Variants in LYRM4 observed in about 807,000 individuals in gnomAD.
LYRM4 encodes LYR motif-containing protein 4.
In LYRM4, 9 loss-of-function variants were observed where a neutral mutation model predicts 11.7. The ratio of observed to expected loss-of-function variants is 0.77; its 90% CI spans 0.46 to 1.34. The LOEUF is 1.34. LYRM4 is among the 40% of genes most tolerant of loss of function. The pLI, the probability that LYRM4 is intolerant of heterozygous loss-of-function variation, is 0.00. For missense variants in LYRM4, 133 were observed against 112.5 expected (o/e 1.18, Z -0.82); for synonymous variants, 42 against 40.4 (o/e 1.04, Z -0.15).
chr6:5,197,540 TG>T (rs1444314214), intron 2 of LYRM4, among the ~76,000 whole-genome samples: 1 of 151,796 alleles, frequency 6.6e-6, no homozygotes, highest in Admixed American at 6.6e-5. Context: ...CTGGGCATGG[TG>T]GCGGGTGCCT....
At chr6:5,164,141 T>G (rs928997217) in intron 2 of LYRM4, among the ~76,000 whole-genome samples, 11 of 152,358 alleles carry the variant, frequency 7.2e-5, no homozygotes, top group Middle Eastern at 3.4e-3. Context: ...CTGATGGGAA[T>G]GCATTTTGGC....
At chr6:5,187,832 G>GA (rs56932935) in intron 2 of LYRM4, among the ~76,000 whole-genome samples, 123,785 of 150,920 alleles carry the variant, frequency 0.82, 51,282 homozygotes, top group African/African-American at 0.95. Context: ...TGTGTTAGTG[G>GA]AAAAAAAAAG....
the LYRM4 span, chr6:5,066,419 A>G: frequency 1.3e-6 from 1 of 744,832 alleles, no homozygotes; most frequent in South Asian, 1.4e-5. Context: ...TTACTTTTAA[A>G]GGGCTGCCTG....
At chr6:5,150,728 G>A (rs1758040680) in intron 2 of LYRM4, among the ~76,000 whole-genome samples, 1 of 152,144 alleles carries the variant, frequency 6.6e-6, no homozygotes, top group Non-Finnish European at 1.5e-5. Context: ...GCGTGTAACC[G>A]CTGCATGCTC....
intron 1 of LYRM4, among the ~76,000 whole-genome samples, chr6:5,226,286 T>C (rs1762889384): frequency 6.6e-6 from 1 of 152,192 alleles, no homozygotes; most frequent in African/African-American, 2.4e-5. Context: ...CATTAAGCCA[T>C]GTGTTTCATG....
intron 2 of LYRM4, among the ~76,000 whole-genome samples, chr6:5,132,167 T>C (rs1763985059): frequency 1.3e-5 from 2 of 152,250 alleles, no homozygotes; most frequent in Admixed American, 6.5e-5. Context: ...ACTTGCTTAA[T>C]ACATAAGCAA....
At chr6:5,101,891 T>C (rs1355294698), downstream of LYRM4, among the ~76,000 whole-genome samples, 4 of 150,810 alleles carry the variant, frequency 2.7e-5, 1 homozygote, top group Non-Finnish European at 5.9e-5. Flanking sequence ...TGGGCTCAAG[T>C]GGTCCTCCTG....
At chr6:5,217,725 A>AGT (rs1762355245) in intron 1 of LYRM4, among the ~76,000 whole-genome samples, 1 of 152,186 alleles carries the variant, frequency 6.6e-6, no homozygotes, top group African/African-American at 2.4e-5. Flanking sequence ...GTCACACCAT[A>AGT]GTGTGTGTAC....
intron 2 of LYRM4, among the ~76,000 whole-genome samples, chr6:5,119,224 T>A: frequency 6.6e-6 from 1 of 152,190 alleles, no homozygotes; most frequent in East Asian, 1.9e-4. Flanking sequence ...CAAGTTCATA[T>A]CCCTGCCCAC....
intron 1 of LYRM4, chr6:5,218,446 A>T (rs1416516461): frequency 2.2e-6 from 2 of 912,996 alleles, no homozygotes; most frequent in Admixed American, 6.2e-5. Flanking sequence ...AGTTTTTTAA[A>T]GTAAAAAGGC....
At chr6:5,207,058 C>T (rs373284005) in intron 2 of LYRM4, among the ~76,000 whole-genome samples, 3 of 152,152 alleles carry the variant, frequency 2.0e-5, no homozygotes, top group Admixed American at 6.5e-5. Flanking sequence ...GTCAATACCA[C>T]GACCAAGGAT....
chr6:5,179,065 C>CAAAAAAAAAAAAAAAAAAAAA (rs58749743), intron 2 of LYRM4, among the ~76,000 whole-genome samples: 2 of 103,902 alleles, frequency 1.9e-5, no homozygotes, highest in Non-Finnish European at 3.9e-5. Flanking sequence ...ACCAAAAAAA[C>CAAAAAAAAAAAAAAAAAAAAA]AAAAAAAAAA....
the LYRM4 span, chr6:5,085,498 G>A: frequency 6.5e-7 from 1 of 1,536,202 alleles, no homozygotes; most frequent in Non-Finnish European, 8.7e-7. Context: ...GGAGCCCATA[G>A]GGGCGCGGCT....
the LYRM4 span, among the ~76,000 whole-genome samples, chr6:5,045,575 A>G: frequency 6.6e-6 from 1 of 152,238 alleles, no homozygotes; most frequent in Non-Finnish European, 1.5e-5. Flanking sequence ...CACGATTTGT[A>G]AAAGAGCAGC....
intron 1 of LYRM4, among the ~76,000 whole-genome samples, chr6:5,222,068 G>A (rs981976521): frequency 2.0e-5 from 3 of 152,162 alleles, no homozygotes; most frequent in Non-Finnish European, 2.9e-5. Context: ...CGGACTCTGG[G>A]TATATAACAG....
At chr6:5,049,186 T>C in the LYRM4 span, among the ~76,000 whole-genome samples, 4 of 152,320 alleles carry the variant, frequency 2.6e-5, no homozygotes, top group South Asian at 8.3e-4. Context: ...CTTCCATCCC[T>C]GGTCCCAAGA....
At chr6:5,252,048 T>C (rs1420743756) in intron 1 of LYRM4, among the ~76,000 whole-genome samples, 1 of 152,212 alleles carries the variant, frequency 6.6e-6, no homozygotes, top group Non-Finnish European at 1.5e-5. Flanking sequence ...AGTTGTGTAG[T>C]ACATAGTAAG....
chr6:5,084,765 G>C, the LYRM4 span: 1 of 152,186 alleles, frequency 6.6e-6, no homozygotes, highest in Non-Finnish European at 1.5e-5. Context: ...CTTCCGAGTG[G>C]GATTGGAACC....
chr6:5,132,635 G>GT (rs1252790190), intron 2 of LYRM4: 1 of 152,188 alleles, frequency 6.6e-6, no homozygotes, highest in Non-Finnish European at 1.5e-5. Flanking sequence ...TTTCAGAAAT[G>GT]TGAGTTCAGG....
Sources: allele counts gnomAD v4.1 joint callset (sites outside exome capture counted in the v4.1 genomes callset), GRCh38; gene constraint gnomAD v4.1.1; transcripts MANE v1.5; gene names NCBI Gene and HGNC (gene_info 2026-07-23, HGNC 2026-07-21).